Variants in ATF7IP observed in about 807,000 individuals in gnomAD.
The protein encoded by ATF7IP is activating transcription factor 7-interacting protein 1.
In ATF7IP, 23 loss-of-function variants were observed where a neutral mutation model predicts 106.4. That is an observed-to-expected ratio of 0.22 (90% CI 0.16 to 0.31). The LOEUF (loss-of-function observed/expected upper bound fraction) is 0.31. Ranked by LOEUF, ATF7IP falls within the 10% of genes least tolerant of loss-of-function variation. The probability of loss-of-function intolerance (pLI) is 1.00; values close to 1 mark genes in which losing one functional copy is unlikely to be tolerated. For missense variants in ATF7IP, 1,334 were observed against 1,524.3 expected, an observed-to-expected ratio of 0.88 and a Z score of 2.08; for synonymous variants, 542 against 539.0, an observed-to-expected ratio of 1.01 and a Z score of -0.08.
intron 13 of ATF7IP, among the ~76,000 whole-genome samples, chr12:14,485,409 G>A (rs1257630392): frequency 6.6e-6 from 1 of 151,966 alleles, no homozygotes; most frequent in Non-Finnish European, 1.5e-5. Flanking sequence ...ATTTTACTGA[G>A]GTAGAAGGTC....
intron 1 of ATF7IP, among the ~76,000 whole-genome samples, chr12:14,377,622 C>CT (rs113632700): frequency 0.014 from 2,058 of 145,198 alleles, 94 homozygotes; most frequent in Admixed American, 0.094. Context: ...TTCTTTCTTT[C>CT]TTTTTTTTTT....
At chr12:14,400,044 G>A (rs1199985911) in intron 1 of ATF7IP, among the ~76,000 whole-genome samples, 2 of 152,190 alleles carry the variant, frequency 1.3e-5, no homozygotes, top group South Asian at 4.1e-4. Context: ...TGCTGCCCTG[G>A]TTTAGCACTA....
At chr12:14,410,701 ATTAG>A (rs1376240171) in intron 1 of ATF7IP, among the ~76,000 whole-genome samples, 12 of 152,256 alleles carry the variant, frequency 7.9e-5, no homozygotes, top group East Asian at 3.9e-4. Context: ...CTATTTTATT[ATTAG>A]TTATTGTCAA....
At chr12:14,372,544 A>C (rs1441697423) in intron 1 of ATF7IP, among the ~76,000 whole-genome samples, 1 of 151,922 alleles carries the variant, frequency 6.6e-6, no homozygotes, top group Non-Finnish European at 1.5e-5. Flanking sequence ...TATGAATATG[A>C]GAATCTGGGA....
At position 14,424,976 on chromosome 12, in the gene ATF7IP, C is replaced by G. The variant is rs775250203; in HGVS notation, c.1061C>G (p.Thr354Arg). The G allele has an allele frequency of 3.7e-6, 6 of 1,610,320 alleles. No individual in the cohort carries two copies. In the East Asian group the frequency reaches 8.9e-5, roughly 24 times the overall value. The stretch of plus-strand genomic sequence containing the variant: ...GATGCTAATGAAGAAACTCTAGAAA[C>G]AGATGATACAACTATTTGTTCAGAT... ...NIDANEETLE[T>R]DDTTICSDRP... The change falls in exon 2 of 15, where the codon ACA (threonine) becomes AGA (arginine). Residue 354 changes from threonine (T) to arginine (R), a missense_variant. By Grantham distance (71) the Thr-to-Arg change is moderately conservative (BLOSUM62 -1). This residue lies in a region of ATF7IP where 438 missense variants were observed against 405.3 expected (regional missense o/e 1.08). Transcript: ENST00000261168.
chr12:14,401,714 CTTTTTT>C (rs3083699), intron 1 of ATF7IP, among the ~76,000 whole-genome samples: 2 of 76,878 alleles, frequency 2.6e-5, no homozygotes, highest in African/African-American at 5.6e-5. Flanking sequence ...AGAGATTAAG[CTTTTTT>C]TTTTTTTTTT....
intron 1 of ATF7IP, among the ~76,000 whole-genome samples, chr12:14,397,160 C>T (rs1939896712): frequency 6.6e-6 from 1 of 152,012 alleles, no homozygotes; most frequent in Non-Finnish European, 1.5e-5. Flanking sequence ...GAAACTCCGT[C>T]TCTAAAAAAG....
In ATF7IP at chr12:14,381,929, A is replaced by G. The variant is rs376137683; in HGVS notation, c.-8+16102A>G. Among the ~76,000 whole-genome samples the G allele has an allele frequency of 1.3e-3, 200 of 151,646 alleles. 8 individuals are homozygous for G. In the South Asian group the frequency reaches 0.029, roughly 22 times the overall value. ...TGGCAAATGATTACATTCTCTGGTC[A>G]TAAAAATTTGAGATTGTAGCGCTCT... is the stretch of plus-strand genomic sequence containing the variant. On this transcript the variant is annotated intron_variant, in intron 1 of 14. Coordinates refer to ENST00000261168, the MANE Select transcript of ATF7IP (RefSeq NM_018179.5).
At chr12:14,434,634 T>C (rs1226972612) in intron 3 of ATF7IP, among the ~76,000 whole-genome samples, 1 of 152,266 alleles carries the variant, frequency 6.6e-6, no homozygotes, top group African/African-American at 2.4e-5. Flanking sequence ...TTATACTTTT[T>C]ATTGTTCCAC....
intron 6 of ATF7IP, among the ~76,000 whole-genome samples, chr12:14,452,100 C>A (rs1054777866): frequency 4.6e-5 from 7 of 152,006 alleles, no homozygotes; most frequent in Non-Finnish European, 1.0e-4. Flanking sequence ...TTATGTCCTT[C>A]ATTGTCTGTT....
At chr12:14,404,562 T>A (rs1300473487) in intron 1 of ATF7IP, among the ~76,000 whole-genome samples, 1 of 152,202 alleles carries the variant, frequency 6.6e-6, no homozygotes, top group African/African-American at 2.4e-5. Flanking sequence ...GACCTAACGA[T>A]GTTAAATGAT....
intron 1 of ATF7IP, among the ~76,000 whole-genome samples, chr12:14,399,878 A>T (rs938283984): frequency 1.1e-4 from 16 of 152,172 alleles, no homozygotes; most frequent in African/African-American, 3.9e-4. Context: ...CTTTGGCTGG[A>T]TGCTGATGGT....
At chr12:14,464,335 A>G (rs1205286674) in intron 9 of ATF7IP, among the ~76,000 whole-genome samples, 1 of 152,086 alleles carries the variant, frequency 6.6e-6, no homozygotes, top group East Asian at 1.9e-4. Flanking sequence ...AGAAAGAAAA[A>G]CAAACAAACG....
At chr12:14,474,336 T>TC (rs1182758437) in intron 10 of ATF7IP, among the ~76,000 whole-genome samples, 1 of 151,774 alleles carries the variant, frequency 6.6e-6, no homozygotes, top group Non-Finnish European at 1.5e-5. Flanking sequence ...TCTTTTTTTT[T>TC]CAGTTTCTTT....
At chr12:14,493,365 C>T (rs1245090863) in intron 13 of ATF7IP, among the ~76,000 whole-genome samples, 1 of 152,144 alleles carries the variant, frequency 6.6e-6, no homozygotes, top group Non-Finnish European at 1.5e-5. Context: ...AGGGGCCCAC[C>T]AGTACTTTAG....
chr12:14,404,480 T>C (rs923094517), intron 1 of ATF7IP, among the ~76,000 whole-genome samples: 2 of 152,206 alleles, frequency 1.3e-5, no homozygotes, highest in African/African-American at 4.8e-5. Context: ...TAAAATGTTA[T>C]CAGCAAAAAA....
At chr12:14,427,698 C>T (rs1370295553) in intron 2 of ATF7IP, among the ~76,000 whole-genome samples, 7 of 152,136 alleles carry the variant, frequency 4.6e-5, no homozygotes, top group African/African-American at 9.7e-5. Context: ...CTCCATCCTA[C>T]TTGCTGAGGC....
rs755184646 is a variant in ATF7IP, at chr12:14,497,773, T to A, written c.3513T>A (p.Val1171=). 1.2e-6 allele frequency: 2 copies of A among 1,614,116 alleles called. No homozygotes were observed. Among genetic ancestry groups the A allele is most frequent in the East Asian group, 2.2e-5 (1 of 44,870 alleles). The change falls in exon 15 of 15, where the codon GTT becomes GTA. Residue 1171 remains valine (V), a synonymous_variant. Transcript: ENST00000261168. ...PQKPHLKLAR[V]QSQNGIVLSW... ...AGCCACACTTGAAGTTAGCACGCGT[T>A]CAGAGTCAAAATGGCATAGTACTGT...
intron 4 of ATF7IP, 28 bp downstream of exon 4, chr12:14,436,279 C>T: frequency 6.3e-7 from 1 of 1,581,080 alleles, no homozygotes; most frequent in Non-Finnish European, 8.6e-7. Flanking sequence ...AGTTATAAAC[C>T]ATATTGAATA....
Sources: gnomAD v4.1 joint callset for allele counts (sites outside exome capture counted in the v4.1 genomes callset) on GRCh38, gnomAD v4.1.1 for gene constraint, gnomAD v4.1.1 regional missense constraint, MANE v1.5 for transcripts, NCBI Gene and HGNC (gene_info 2026-07-23, HGNC 2026-07-21) for gene names.